Variants in SNCAIP observed in about 807,000 individuals in gnomAD.
The protein encoded by SNCAIP is synphilin-1.
In SNCAIP, 43 loss-of-function variants were observed where a neutral mutation model predicts 86.7. That is an observed-to-expected ratio of 0.50 (90% CI 0.39 to 0.64). The LOEUF (loss-of-function observed/expected upper bound fraction) is 0.64, where lower values mean the gene tolerates loss of function less well. Among genes scored for constraint, SNCAIP ranks in the 30% least tolerant of loss-of-function variants. SNCAIP has a pLI of 0.00. For missense variants in SNCAIP, 981 were observed against 1,103.1 expected (o/e 0.89, Z 1.57); for synonymous variants, 417 against 427.2 (o/e 0.98, Z 0.29).
chr5:122,334,011 G>A (rs1163138714), intron 1 of SNCAIP, among the ~76,000 whole-genome samples: 1 of 152,190 alleles, frequency 6.6e-6, no homozygotes, highest in East Asian at 1.9e-4. Flanking sequence ...AGAAGACTGA[G>A]TTTTGTGAAG....
intron 1 of SNCAIP, among the ~76,000 whole-genome samples, chr5:122,323,028 A>C (rs1439804874): frequency 6.6e-6 from 1 of 152,192 alleles, no homozygotes; most frequent in African/African-American, 2.4e-5. Context: ...GGCTCAGTGA[A>C]CTTGGACTGG....
At chr5:122,372,520 G>T (rs568003779) in intron 1 of SNCAIP, among the ~76,000 whole-genome samples, 1 of 152,160 alleles carries the variant, frequency 6.6e-6, no homozygotes, top group Non-Finnish European at 1.5e-5. Context: ...ATAGTTTGTC[G>T]TAGAGTGGAT....
chr5:122,451,892 G>T (rs1783769307), intron 10 of SNCAIP: 2 of 332,560 alleles, frequency 6.0e-6, no homozygotes, highest in Admixed American at 4.6e-5. Context: ...AGGTGTTAGG[G>T]TCCTAGACTT....
intron 7 of SNCAIP, among the ~76,000 whole-genome samples, chr5:122,443,338 G>T (rs1019734812): frequency 1.3e-5 from 2 of 152,184 alleles, no homozygotes; most frequent in East Asian, 1.9e-4. Context: ...TAATATTGAT[G>T]TAATAACTTT....
At chr5:122,427,255 C>T (rs1009400445) in intron 5 of SNCAIP, among the ~76,000 whole-genome samples, 9 of 152,088 alleles carry the variant, frequency 5.9e-5, no homozygotes, top group Non-Finnish European at 8.8e-5. Context: ...GTGGTTGTTA[C>T]GCCAATCTTC....
intron 8 of SNCAIP, among the ~76,000 whole-genome samples, chr5:122,448,226 G>A (rs144134819): frequency 7.9e-5 from 12 of 152,208 alleles, no homozygotes; most frequent in Middle Eastern, 3.4e-3. Flanking sequence ...GTCCTGGCTC[G>A]TGAGAGCTGC....
At chr5:122,385,673 ATGTGTGTGTGTG>A (rs371793989) in intron 1 of SNCAIP, among the ~76,000 whole-genome samples, 18,808 of 138,366 alleles carry the variant, frequency 0.14, 1,236 homozygotes, top group South Asian at 0.26. Flanking sequence ...GTGCGCACGT[ATGTGTGTGTGTG>A]TGTGTGTGTG....
intron 3 of SNCAIP, among the ~76,000 whole-genome samples, chr5:122,415,800 T>C (rs1223748031): frequency 6.6e-6 from 1 of 152,206 alleles, no homozygotes; most frequent in Non-Finnish European, 1.5e-5. Context: ...AGCCTTTCAC[T>C]GTCCCTTGAA....
intron 10 of SNCAIP, among the ~76,000 whole-genome samples, chr5:122,460,426 C>T (rs746271998): frequency 4.6e-5 from 7 of 152,134 alleles, no homozygotes; most frequent in Non-Finnish European, 5.9e-5. Context: ...CTCCTAAATC[C>T]GTATTTTTAA....
chr5:122,424,768 G>A (rs911709354), intron 4 of SNCAIP, among the ~76,000 whole-genome samples: 31 of 151,990 alleles, frequency 2.0e-4, no homozygotes, highest in African/African-American at 7.5e-4. Context: ...CTCTATCAAC[G>A]AGTTCATAGT....
intron 2 of SNCAIP, among the ~76,000 whole-genome samples, chr5:122,391,688 G>A (rs185371429): frequency 8.6e-4 from 131 of 152,276 alleles, no homozygotes; most frequent in Non-Finnish European, 9.9e-4. Flanking sequence ...AGGAAAATTC[G>A]TGCAGTGATA....
chr5:122,443,044 T>C (rs769672985), intron 7 of SNCAIP, among the ~76,000 whole-genome samples: 18 of 152,194 alleles, frequency 1.2e-4, no homozygotes, highest in Admixed American at 3.3e-4. Flanking sequence ...TGTGTTTATA[T>C]AGCATCTCTT....
intron 1 of SNCAIP, among the ~76,000 whole-genome samples, chr5:122,322,390 G>T (rs2152673782): frequency 6.6e-6 from 1 of 152,310 alleles, no homozygotes; most frequent in Admixed American, 6.5e-5. Flanking sequence ...GTTTGAAAAT[G>T]GAGGGAAATA....
chr5:122,360,028 G>T (rs1382415156), intron 1 of SNCAIP, among the ~76,000 whole-genome samples: 1 of 152,136 alleles, frequency 6.6e-6, no homozygotes, highest in African/African-American at 2.4e-5. Flanking sequence ...ACCTCTTTAT[G>T]CAGTCACAGT....
chr5:122,397,559 GC>G (rs1027709402), intron 2 of SNCAIP, among the ~76,000 whole-genome samples: 11 of 152,056 alleles, frequency 7.2e-5, no homozygotes, highest in African/African-American at 2.7e-4. Context: ...AGGTACCAGA[GC>G]AAAATTCAAA....
At chr5:122,315,228 A>G (rs1022224638) in intron 1 of SNCAIP, among the ~76,000 whole-genome samples, 50 of 152,316 alleles carry the variant, frequency 3.3e-4, no homozygotes, top group African/African-American at 1.2e-3. Context: ...TGCTGGTGGT[A>G]TAATTGTGAA....
At chr5:122,401,462 A>C (rs950274052) in intron 2 of SNCAIP, among the ~76,000 whole-genome samples, 6 of 152,224 alleles carry the variant, frequency 3.9e-5, no homozygotes, top group Non-Finnish European at 8.8e-5. Context: ...CTTTATAAAA[A>C]ATGATGGACT....
At position 122,463,550 on chromosome 5, in the gene SNCAIP, C is replaced by G. The variant is rs1286169079; in HGVS notation, c.*54C>G. On this transcript the variant is annotated 3_prime_UTR_variant, in exon 11 of 11. Coordinates refer to ENST00000261368, the MANE Select transcript of SNCAIP (RefSeq NM_005460.4). Reference sequence around the variant, plus strand: ...TACAGCATAAAGCACATTGCTGAGCCAGAGTCAAAAGAACTCTTCTTGTAA... The same window carrying G: ...TACAGCATAAAGCACATTGCTGAGCGAGAGTCAAAAGAACTCTTCTTGTAA... 1 of 1,602,340 alleles carries G rather than the reference C, an allele frequency of 6.2e-7. No homozygotes were observed. Among genetic ancestry groups the G allele is most frequent in the Admixed American group, 1.7e-5 (1 of 59,646 alleles).
At chr5:122,373,469 CAG>C (rs1764661154) in intron 1 of SNCAIP, among the ~76,000 whole-genome samples, 1 of 152,076 alleles carries the variant, frequency 6.6e-6, no homozygotes, top group Admixed American at 6.6e-5. Flanking sequence ...TAGTGACAAA[CAG>C]AAGAGAAAAA....
Sources: allele counts gnomAD v4.1 joint callset (sites outside exome capture counted in the v4.1 genomes callset), GRCh38; gene constraint gnomAD v4.1.1; transcripts MANE v1.5; gene names NCBI Gene and HGNC (gene_info 2026-07-23, HGNC 2026-07-21).